RASSF1: variants seen among roughly 807,000 people sequenced by gnomAD.
RASSF1 encodes the protein ras association domain-containing protein 1.
Under a neutral mutation model 34.3 loss-of-function variants are expected in RASSF1, and 33 were observed. The ratio of observed to expected loss-of-function variants is 0.96; its 90% confidence interval spans 0.73 to 1.29. The LOEUF is 1.29. Ranked by LOEUF, RASSF1 falls within the 50% of genes most tolerant of loss-of-function variation. The pLI, the probability that RASSF1 is intolerant of heterozygous loss-of-function variation, is 0.00. For synonymous variants in RASSF1, 191 were observed against 195.0 expected (o/e 0.98, Z 0.17); for missense variants, 445 against 471.8 (o/e 0.94, Z 0.53).
At chr3:50,337,784 C>T in intron 2 of RASSF1, 121 bp downstream of exon 2, 1 of 1,103,328 alleles carries the variant, frequency 9.1e-7, no homozygotes, top group Non-Finnish European at 1.3e-6. Flanking sequence ...CCTCTCTGTG[C>T]CGCCGGGAAA....
chr3:50,331,414 G>A lies in RASSF1; in HGVS notation c.796C>T (p.Leu266=), dbSNP rs1410144665. ...GGCCCTGCCAGGAGCCGCAGCCGCA[G>A]GGGCTGCTCATCATCCAACAGCTTC... ...LRKLLDDEQP[L]RLRLLAGPSD... is the part of the protein sequence containing the mutation. The change falls in exon 5 of 6, where the codon CTG becomes TTG. Residue 266 remains leucine (L), a synonymous_variant. Transcript: ENST00000359365. 23 of 1,604,296 alleles carry A rather than the reference G, an allele frequency of 1.4e-5. No individual in the cohort carries two copies. The highest frequency in any genetic ancestry group is 1.8e-5 in the Non-Finnish European group (21 of 1,173,808).
At chr3:50,338,311 CT>C in intron 1 of RASSF1, 2 of 894,820 alleles carry the variant, frequency 2.2e-6, no homozygotes, top group African/African-American at 1.8e-5. Context: ...CTGCGTCTTG[CT>C]TTTGTCACCC....
intron 2 of RASSF1, chr3:50,337,468 G>A: frequency 3.2e-6 from 5 of 1,555,844 alleles, no homozygotes. Flanking sequence ...AGATCGCCGG[G>A]ATCTAGCTCT....
In RASSF1 at chr3:50,333,504, C is replaced by T. The variant is rs148674437; in HGVS notation, c.358-1350G>A. Among the ~76,000 whole-genome samples the T allele has an allele frequency of 1.3e-3, 190 of 151,534 alleles. 1 individual carries two copies. The highest frequency in any genetic ancestry group is 4.4e-3 in the African/African-American group (183 of 41,238). On this transcript the variant is annotated intron_variant, in intron 2 of 5. Coordinates refer to ENST00000359365, the MANE Select transcript of RASSF1 (RefSeq NM_007182.5). ...GATTTTTTTTTTTTTTGAGACGAAG[C>T]CTCACTCTGTCGCCCAGGCTGTAGT...
chr3:50,331,751 G>A lies in RASSF1; in HGVS notation c.568C>T (p.Arg190Trp), dbSNP rs139239459. The change falls in exon 4 of 6, where the codon CGG becomes TGG. Residue 190 changes from arginine (R) to tryptophan (W), a missense_variant. Physicochemically the swap from Arg to Trp is moderately radical, Grantham distance 101 (BLOSUM62 -3). Transcript: ENST00000359365. ...KKPPSLQDARRGPGRGTSVRR... is the reference protein window; with the variant it reads ...KKPPSLQDARWGPGRGTSVRR... Reference sequence around the variant, plus strand: ...ACACTTGTGCCCCGTCCTGGGCCCCGCCGGGCATCCTGCAAGGAGGGTGGC... The same window carrying A: ...ACACTTGTGCCCCGTCCTGGGCCCCACCGGGCATCCTGCAAGGAGGGTGGC... The A allele has an allele frequency of 3.1e-5, 50 of 1,610,166 alleles. No individual in the cohort carries two copies. Among genetic ancestry groups the A allele is most frequent in the East Asian group, 6.7e-5 (3 of 44,762 alleles).
intron 2 of RASSF1, 34 bp downstream of exon 2, chr3:50,337,871 C>T: frequency 1.3e-6 from 2 of 1,534,202 alleles, no homozygotes; most frequent in Admixed American, 1.7e-5. Context: ...TGCCCATCCT[C>T]GCCCTTCCCA....
At chr3:50,337,213 G>T in intron 2 of RASSF1, 1 of 1,612,954 alleles carries the variant, frequency 6.2e-7, no homozygotes. Flanking sequence ...GGTTCGCGCG[G>T]TGAAGTACTG....
chr3:50,340,246 T>C (rs1480844812), intron 1 of RASSF1, among the ~76,000 whole-genome samples: 1 of 152,164 alleles, frequency 6.6e-6, no homozygotes, highest in South Asian at 2.1e-4. Flanking sequence ...CCTGGGAAGA[T>C]GGACTCCGAG....
At chr3:50,340,420 G>T in intron 1 of RASSF1, 136 bp downstream of exon 1, 1 of 1,222,728 alleles carries the variant, frequency 8.2e-7, no homozygotes, top group Non-Finnish European at 1.1e-6. Context: ...ACTCTTCAGC[G>T]ATGGGGCGAA....
chr3:50,330,819 A>G lies in RASSF1; in HGVS notation c.877-92T>C. On this transcript the variant is annotated intron_variant, in intron 5 of 5. Coordinates refer to ENST00000359365, the MANE Select transcript of RASSF1 (RefSeq NM_007182.5). The surrounding 1 kb of genome is among the most constrained non-coding windows in gnomAD (Gnocchi z 4.5). ...GAGAAGACTAGCACCTCATGTTCAC[A>G]CAAGCTAGGACTGGGCTTTCTGATG... 2.2e-6 allele frequency: 3 copies of G among 1,368,928 alleles called. No homozygotes were observed. Among genetic ancestry groups the G allele is most frequent in the East Asian group, 2.4e-5 (1 of 41,248 alleles). The allele number at this position is 1,368,928 out of a possible 1,614,324, so 84.8% of individuals were successfully genotyped here. A position where few individuals can be genotyped will look rare whatever the true frequency, so the allele number is the denominator to read the frequency against.
intron 1 of RASSF1, chr3:50,338,311 C>T: frequency 1.1e-6 from 1 of 894,820 alleles, no homozygotes; most frequent in Non-Finnish European, 1.4e-6. Context: ...CTGCGTCTTG[C>T]TTTTGTCACC....
chr3:50,331,429 C>G lies in RASSF1; in HGVS notation c.781G>C (p.Asp261His). 6.2e-7 allele frequency: 1 copy of G among 1,600,356 alleles called. No individual in the cohort carries two copies. Among genetic ancestry groups the G allele is most frequent in the Non-Finnish European group, 8.5e-7 (1 of 1,171,412 alleles). Reference sequence around the variant, plus strand: ...CGCAGCCGCAGGGGCTGCTCATCATCCAACAGCTTCCGCAAGTACACTGTG... The same window carrying G: ...CGCAGCCGCAGGGGCTGCTCATCATGCAACAGCTTCCGCAAGTACACTGTG... ...HGQVYLRKLL[D>H]DEQPLRLRLL... The change falls in exon 5 of 6, where the codon GAT becomes CAT. Residue 261 changes from aspartate (D) to histidine (H), a missense_variant. Physicochemically the swap from Asp to His is moderately conservative, Grantham distance 81 (BLOSUM62 -1). Transcript: ENST00000359365.
intron 1 of RASSF1, 125 bp from the exon 2 acceptor site, chr3:50,338,136 G>A (rs1703232601): frequency 6.8e-7 from 1 of 1,473,660 alleles, no homozygotes; most frequent in African/African-American, 1.4e-5. Context: ...CTATCTCAGT[G>A]GGTTACCTCA....
chr3:50,338,278 A>G, intron 1 of RASSF1: 3 of 1,173,254 alleles, frequency 2.6e-6, no homozygotes, highest in Non-Finnish European at 3.2e-6. Flanking sequence ...CTCATTGGCA[A>G]TTAAAAAAAC....
At chr3:50,337,200 C>A in intron 2 of RASSF1, 1 of 1,612,556 alleles carries the variant, frequency 6.2e-7, no homozygotes. Context: ...TGCGAGCTAG[C>A]GAGGTTCGCG....
chr3:50,335,313 CTTTTTTTTTTT>C (rs906428880), intron 2 of RASSF1, among the ~76,000 whole-genome samples: 1 of 107,974 alleles, frequency 9.3e-6, no homozygotes, highest in Non-Finnish European at 1.8e-5. Flanking sequence ...CCTATTCTTT[CTTTTTTTTTTT>C]TTTTTTTTTT....
chr3:50,337,351 G>A (rs1417944664), intron 2 of RASSF1: 5 of 1,605,136 alleles, frequency 3.1e-6, no homozygotes, highest in South Asian at 1.1e-5. Flanking sequence ...AGTCCTGCGC[G>A]TCCGTAGCCG....
chr3:50,333,132 C>T (rs1405432988), intron 2 of RASSF1, among the ~76,000 whole-genome samples: 1 of 152,026 alleles, frequency 6.6e-6, no homozygotes, highest in East Asian at 1.9e-4. Context: ...ACCTCAATTG[C>T]ACATTCTGAT....
chr3:50,337,964 C>A lies in RASSF1; in HGVS notation c.298G>T (p.Asp100Tyr). The A allele has an allele frequency of 6.2e-7, 1 of 1,610,782 alleles. No homozygotes were observed. The highest frequency in any genetic ancestry group is 8.5e-7 in the Non-Finnish European group (1 of 1,178,682). Residue 100 changes from aspartate to tyrosine, a missense_variant, in exon 2 of 6, where the codon GAC becomes TAC. Asp to Tyr is a radical substitution (Grantham distance 160). Coordinates refer to ENST00000359365, the MANE Select transcript of RASSF1 (RefSeq NM_007182.5). ...HYRCRALVCL[D>Y]CCGPRDLGWE... ...CCCAGGTCCCGGGGCCCGCAACAGT[C>A]CAGGCAGACGAGCGCGCGGCAGCGG... is the stretch of plus-strand genomic sequence containing the variant.
Sources: allele counts gnomAD v4.1 joint callset (sites outside exome capture counted in the v4.1 genomes callset), GRCh38; gene constraint gnomAD v4.1.1; non-coding constraint Gnocchi (gnomAD v3.1); transcripts MANE v1.5; gene names NCBI Gene and HGNC (gene_info 2026-07-23, HGNC 2026-07-21).